Variants in SLC35F4 observed in about 807,000 individuals in gnomAD.
SLC35F4 encodes the protein solute carrier family 35 member F4, also known as chromosome 14 open reading frame 36.
Under a neutral mutation model 44.2 loss-of-function variants are expected in SLC35F4, and 24 were observed. The observed-to-expected ratio is 0.54, with a 90% CI of 0.39 to 0.76. The LOEUF is 0.76. SLC35F4 is among the 30% of genes least tolerant of loss of function. The pLI, the probability that SLC35F4 is intolerant of heterozygous loss-of-function variation, is 0.00. For synonymous variants in SLC35F4, 238 were observed against 223.6 expected (o/e 1.06, Z -0.57); for missense variants, 562 against 586.1 (o/e 0.96, Z 0.42).
intron 1 of SLC35F4, among the ~76,000 whole-genome samples, chr14:57,712,281 C>T (rs2075834581): frequency 8.1e-6 from 1 of 123,388 alleles, no homozygotes; most frequent in Non-Finnish European, 1.9e-5. Context: ...GAGGTGGCAT[C>T]ATTTGCCTAC....
chr14:57,619,435 C>T (rs1367856682), intron 1 of SLC35F4, among the ~76,000 whole-genome samples: 1 of 152,138 alleles, frequency 6.6e-6, no homozygotes, highest in Non-Finnish European at 1.5e-5. Flanking sequence ...CTCCAGTAGA[C>T]CTGCAGCAGA....
chr14:57,797,145 C>T (rs959784972), intron 1 of SLC35F4, among the ~76,000 whole-genome samples: 2 of 152,162 alleles, frequency 1.3e-5, no homozygotes, highest in Non-Finnish European at 2.9e-5. Context: ...AAAAGGCACC[C>T]TCAGTAACCT....
At chr14:57,824,953 G>C (rs1883569870) in intron 1 of SLC35F4, among the ~76,000 whole-genome samples, 1 of 152,138 alleles carries the variant, frequency 6.6e-6, no homozygotes, top group Non-Finnish European at 1.5e-5. Flanking sequence ...GTGAAGAACA[G>C]ACTGAGAGTC....
intron 1 of SLC35F4, among the ~76,000 whole-genome samples, chr14:57,813,260 A>C (rs1882177699): frequency 6.6e-6 from 1 of 152,214 alleles, no homozygotes; most frequent in African/African-American, 2.4e-5. Flanking sequence ...CTTCTCACAC[A>C]GCAGCTAACT....
chr14:57,958,678 T>C (rs1890287400), intron 1 of SLC35F4, among the ~76,000 whole-genome samples: 4 of 152,150 alleles, frequency 2.6e-5, no homozygotes, highest in Admixed American at 2.6e-4. Context: ...ACTAAAAAAA[T>C]GGTATTCCAC....
At chr14:57,715,568 G>A (rs969004958) in intron 1 of SLC35F4, among the ~76,000 whole-genome samples, 2 of 152,182 alleles carry the variant, frequency 1.3e-5, no homozygotes, top group Admixed American at 6.5e-5. Flanking sequence ...ACAAGACAAA[G>A]GGTATGGTCC....
intron 1 of SLC35F4, among the ~76,000 whole-genome samples, chr14:57,682,889 A>C (rs1332502330): frequency 6.6e-6 from 1 of 152,128 alleles, no homozygotes; most frequent in African/African-American, 2.4e-5. Context: ...CTCCATTTCA[A>C]CAGTGTTTTA....
chr14:57,886,030 T>C (rs1218243577), intron 1 of SLC35F4, among the ~76,000 whole-genome samples: 1 of 152,212 alleles, frequency 6.6e-6, no homozygotes, highest in African/African-American at 2.4e-5. Context: ...ATGACTATAA[T>C]AGGAAATTTA....
chr14:57,821,446 C>T (rs1453543161), intron 1 of SLC35F4, among the ~76,000 whole-genome samples: 1 of 152,184 alleles, frequency 6.6e-6, no homozygotes, highest in Non-Finnish European at 1.5e-5. Flanking sequence ...CTATCAATAG[C>T]TTTTCAATGG....
intron 1 of SLC35F4, among the ~76,000 whole-genome samples, chr14:57,699,929 C>T (rs2075488568): frequency 6.6e-6 from 1 of 152,154 alleles, no homozygotes; most frequent in Non-Finnish European, 1.5e-5. Context: ...TCTAATTGCA[C>T]AGGATAACTG....
chr14:57,835,713 C>A (rs1176478344), intron 1 of SLC35F4, among the ~76,000 whole-genome samples: 3 of 152,170 alleles, frequency 2.0e-5, no homozygotes, highest in African/African-American at 7.2e-5. Flanking sequence ...ACTCAACATG[C>A]CTAAAATTTA....
intron 1 of SLC35F4, among the ~76,000 whole-genome samples, chr14:57,633,923 A>G (rs2072906515): frequency 6.6e-6 from 1 of 152,104 alleles, no homozygotes; most frequent in African/African-American, 2.4e-5. Context: ...CTAACTTTAA[A>G]GGACTAAGAG....
chr14:57,874,045 A>C (rs752605950), intron 1 of SLC35F4, among the ~76,000 whole-genome samples: 9 of 152,226 alleles, frequency 5.9e-5, no homozygotes, highest in Non-Finnish European at 8.8e-5. Flanking sequence ...AAAGTGCTCT[A>C]AGTACAGTTA....
At chr14:57,671,868 C>G (rs1957689) in intron 1 of SLC35F4, among the ~76,000 whole-genome samples, 35,547 of 151,894 alleles carry the variant, frequency 0.23, 4,200 homozygotes, top group South Asian at 0.31. Flanking sequence ...TCTATTAATT[C>G]TCCCCATGAA....
intron 1 of SLC35F4, among the ~76,000 whole-genome samples, chr14:57,864,555 A>G (rs1887960369): frequency 6.6e-6 from 1 of 152,310 alleles, no homozygotes; most frequent in South Asian, 2.1e-4. Flanking sequence ...ATGGTAGGGG[A>G]GAAAGTTACA....
At chr14:57,751,054 T>C (rs1298847727) in intron 1 of SLC35F4, among the ~76,000 whole-genome samples, 7 of 152,154 alleles carry the variant, frequency 4.6e-5, no homozygotes, top group African/African-American at 9.7e-5. Flanking sequence ...GCAGCTACAA[T>C]AGACTGAAAA....
At chr14:57,637,083 A>G (rs2073044831) in intron 1 of SLC35F4, among the ~76,000 whole-genome samples, 2 of 152,264 alleles carry the variant, frequency 1.3e-5, no homozygotes, top group Non-Finnish European at 1.5e-5. Flanking sequence ...GAAGCTTTGC[A>G]TACGTTATGT....
At chr14:57,681,086 A>G (rs528053529) in intron 1 of SLC35F4, among the ~76,000 whole-genome samples, 9 of 152,132 alleles carry the variant, frequency 5.9e-5, no homozygotes, top group Non-Finnish European at 1.0e-4. Context: ...CAAAAAGAAC[A>G]AACCTGGAAG....
At chr14:57,658,414 CA>C (rs1413414120) in intron 1 of SLC35F4, among the ~76,000 whole-genome samples, 2 of 152,134 alleles carry the variant, frequency 1.3e-5, no homozygotes, top group Non-Finnish European at 2.9e-5. Context: ...CAGTGCTTGT[CA>C]CAGTGACAGT....
Sources: allele counts gnomAD v4.1 joint callset (sites outside exome capture counted in the v4.1 genomes callset), GRCh38; gene constraint gnomAD v4.1.1; transcripts MANE v1.5; gene names NCBI Gene and HGNC (gene_info 2026-07-23, HGNC 2026-07-21).